The following ZNF573 variants were observed in gnomAD, a reference collection of about 807,000 sequenced individuals.
ZNF573 encodes the protein zinc finger protein 573.
A neutral mutation model predicts 57.4 loss-of-function variants in ZNF573; 41 were observed. The ratio of observed to expected loss-of-function variants is 0.71; its 90% CI spans 0.56 to 0.93. The LOEUF (loss-of-function observed/expected upper bound fraction) is 0.93, where lower values mean the gene tolerates loss of function less well. ZNF573 is among the 40% of genes least tolerant of loss of function. The pLI is 0.00. For missense variants in ZNF573, 730 were observed against 794.8 expected (o/e 0.92, Z 0.98); for synonymous variants, 249 against 261.0 (o/e 0.95, Z 0.44).
At position 37,739,062 on chromosome 19, in the gene ZNF573, C is replaced by G. The variant is rs778813502; in HGVS notation, c.1428G>C (p.Gly476=). The G allele has an allele frequency of 6.2e-7, 1 of 1,612,904 alleles. No homozygotes were observed. The highest frequency in any genetic ancestry group is 2.2e-5 in the East Asian group (1 of 44,864). The part of the protein sequence containing the change: ...GKKLFECQEC[G]KAYSTGSNLI... The stretch of plus-strand genomic sequence containing the variant: ...GGTTTGAGCCAGTACTATAGGCCTT[C>G]CCACATTCCTGACATTCAAAAAGTT... Residue 476 remains glycine, a synonymous_variant, in exon 5 of 5, where the codon GGG becomes GGC. Transcript: ENST00000536220.
At chr19:37,778,222 T>C (rs1375252100) in intron 1 of ZNF573, among the ~76,000 whole-genome samples, 2 of 146,402 alleles carry the variant, frequency 1.4e-5, no homozygotes, top group Non-Finnish European at 3.0e-5. Context: ...TGAAGTAAAA[T>C]AATCCACATA....
At chr19:37,757,635 G>T (rs1055373111) in intron 4 of ZNF573, among the ~76,000 whole-genome samples, 1 of 152,136 alleles carries the variant, frequency 6.6e-6, no homozygotes, top group African/African-American at 2.4e-5. Context: ...ACAGTGTGGC[G>T]ATTCCTCAGG....
intron 4 of ZNF573, among the ~76,000 whole-genome samples, chr19:37,740,901 AC>A (rs1163209626): frequency 6.6e-6 from 1 of 152,226 alleles, no homozygotes; most frequent in Non-Finnish European, 1.5e-5. Context: ...AATACCCAAT[AC>A]AATGTAAATG....
rs1194607917 is a variant in ZNF573 at position 37,739,847 on chromosome 19, C to T, written c.643G>A (p.Glu215Lys). The T allele has an allele frequency of 5.0e-6, 8 of 1,613,820 alleles. No individual in the cohort carries two copies. The highest frequency in any genetic ancestry group is 4.0e-5 in the African/African-American group (3 of 74,900). ...LTVHQRFHTGEKTYECRQCGK... is the reference protein window; with the variant it reads ...LTVHQRFHTGKKTYECRQCGK... ...CACTGCCTACATTCATAGGTTTTCT[C>T]ACCAGTATGAAATCTCTGATGCACA... Residue 215 changes from glutamate to lysine, a missense_variant, in exon 5 of 5, where the codon GAG becomes AAG. Transcript: ENST00000536220.
intron 4 of ZNF573, among the ~76,000 whole-genome samples, chr19:37,751,066 T>C (rs1004945036): frequency 1.3e-5 from 2 of 150,430 alleles, no homozygotes; most frequent in African/African-American, 2.4e-5. Flanking sequence ...TAGTATAGTA[T>C]GGTATATATA....
At chr19:37,755,737 A>T (rs1386828564) in intron 4 of ZNF573, among the ~76,000 whole-genome samples, 1 of 152,160 alleles carries the variant, frequency 6.6e-6, no homozygotes, top group Non-Finnish European at 1.5e-5. Flanking sequence ...TCAGAAAGAA[A>T]ATAAATTGAT....
At chr19:37,774,027 T>C (rs2145335611) in intron 1 of ZNF573, among the ~76,000 whole-genome samples, 1 of 152,216 alleles carries the variant, frequency 6.6e-6, no homozygotes, top group Admixed American at 6.5e-5. Flanking sequence ...TGATCTAGAC[T>C]TGAGATTAGG....
intron 4 of ZNF573, chr19:37,759,168 C>T: frequency 1.7e-6 from 1 of 602,810 alleles, no homozygotes; most frequent in Non-Finnish European, 2.1e-6. Context: ...AACAAAATAA[C>T]GAATCACACA....
chr19:37,761,142 A>G (rs968998048), intron 4 of ZNF573, among the ~76,000 whole-genome samples: 1 of 152,154 alleles, frequency 6.6e-6, no homozygotes, highest in East Asian at 1.9e-4. Flanking sequence ...GTGAGCCAAG[A>G]CAGCACCACT....
At position 37,738,926 on chromosome 19, in the gene ZNF573, C is replaced by T. The variant is rs1385846181; in HGVS notation, c.1564G>A (p.Gly522Ser). The change falls in exon 5 of 5, where the codon GGT (glycine) becomes AGT (serine). Residue 522 changes from glycine (G) to serine (S), a missense_variant. Coordinates refer to ENST00000536220, the MANE Select transcript of ZNF573 (RefSeq NM_001172690.2). Reference sequence around the variant, plus strand: ...ACCTTACATTCATAGGGTTTCATACCAGTATGAATTTTCTGATGTTGATTA... The same window carrying T: ...ACCTTACATTCATAGGGTTTCATACTAGTATGAATTTTCTGATGTTGATTA... ...YLNQHQKIHT[G>S]MKPYECKVCR... The T allele has an allele frequency of 6.2e-7, 1 of 1,610,272 alleles. No homozygotes were observed. The highest frequency in any genetic ancestry group is 1.7e-5 in the Admixed American group (1 of 59,934).
intron 4 of ZNF573, among the ~76,000 whole-genome samples, chr19:37,755,492 T>C (rs185937226): frequency 1.6e-4 from 25 of 152,268 alleles, no homozygotes; most frequent in African/African-American, 4.3e-4. Flanking sequence ...CATAGTACCA[T>C]TGGAAATTTA....
intron 4 of ZNF573, among the ~76,000 whole-genome samples, chr19:37,742,869 C>T (rs757362296): frequency 1.3e-5 from 2 of 152,188 alleles, no homozygotes; most frequent in African/African-American, 2.4e-5. Context: ...GGAAAAGAAA[C>T]TATCATCAGA....
chr19:37,740,019 G>T lies in ZNF573; in HGVS notation c.471C>A (p.Val157=). 6.2e-7 allele frequency: 1 copy of T among 1,614,122 alleles called. No homozygotes were observed. The highest frequency in any genetic ancestry group is 1.3e-5 in the African/African-American group (1 of 75,046). Residue 157 remains valine (V), a synonymous_variant, in exon 5 of 5, where the codon GTC becomes GTA. Coordinates refer to ENST00000536220, the MANE Select transcript of ZNF573 (RefSeq NM_001172690.2). ...CTTTGCATTCATAGGGTCTCTCAAT[G>T]ACATGAAACCTGTGATGTAGAATAA... is the stretch of plus-strand genomic sequence containing the variant. ...YQLILHHRFH[V]IERPYECKEC... is the part of the protein sequence containing the mutation.
chr19:37,763,665 C>T (rs2045573526), intron 4 of ZNF573, among the ~76,000 whole-genome samples: 1 of 151,972 alleles, frequency 6.6e-6, no homozygotes, highest in Non-Finnish European at 1.5e-5. Context: ...TACAGTGAAA[C>T]TAAAAATTGG....
rs937845710 is a variant in ZNF573 at position 37,765,134 on chromosome 19, G to A, written c.295+4871C>T. On this transcript the variant is annotated intron_variant, in intron 4 of 4. Transcript: ENST00000536220. ...TTGGCCAGGCTGGTCTTGAACTCCTGACCTCAGGCTGGCCTCCCAAAGTGC... is the reference window on the plus strand; with the variant it reads ...TTGGCCAGGCTGGTCTTGAACTCCTAACCTCAGGCTGGCCTCCCAAAGTGC... 5.1e-4 allele frequency among the ~76,000 whole-genome samples: 77 copies of A among 151,802 alleles called. 2 individuals are homozygous for A. Among genetic ancestry groups the A allele is most frequent in the African/African-American group, 1.5e-3 (62 of 41,430 alleles).
chr19:37,757,061 CA>C (rs753576849), intron 4 of ZNF573, among the ~76,000 whole-genome samples: 1 of 151,574 alleles, frequency 6.6e-6, no homozygotes, highest in Admixed American at 6.6e-5. Context: ...GAAGGATGAC[CA>C]AAAATGGAAA....
At chr19:37,750,707 C>A (rs2045425586) in intron 4 of ZNF573, among the ~76,000 whole-genome samples, 1 of 151,756 alleles carries the variant, frequency 6.6e-6, no homozygotes, top group Non-Finnish European at 1.5e-5. Flanking sequence ...CATACCTTAG[C>A]CAGACACGGA....
intron 4 of ZNF573, among the ~76,000 whole-genome samples, chr19:37,760,591 C>T (rs922767277): frequency 4.1e-5 from 6 of 147,592 alleles, no homozygotes; most frequent in Admixed American, 2.0e-4. Flanking sequence ...TGGGAGGCCG[C>T]GGCGGGCAGA....
intron 4 of ZNF573, among the ~76,000 whole-genome samples, chr19:37,757,514 G>A (rs2045500844): frequency 6.6e-6 from 1 of 151,976 alleles, no homozygotes; most frequent in Non-Finnish European, 1.5e-5. Flanking sequence ...AAATTATGAT[G>A]TCATAGACTC....
Sources: gnomAD v4.1 joint callset for allele counts (sites outside exome capture counted in the v4.1 genomes callset) on GRCh38, gnomAD v4.1.1 for gene constraint, MANE v1.5 for transcripts, NCBI Gene and HGNC (gene_info 2026-07-23, HGNC 2026-07-21) for gene names.